The following OXR1 variants were observed in gnomAD, a reference collection of about 807,000 sequenced individuals.
OXR1 encodes oxidation resistance protein 1.
OXR1 carries 41 observed loss-of-function variants against 104.6 expected under a neutral mutation model. The ratio of observed to expected loss-of-function variants is 0.39; its 90% CI spans 0.31 to 0.51. The LOEUF (loss-of-function observed/expected upper bound fraction) is 0.51. OXR1 is among the 20% of genes least tolerant of loss of function. OXR1 has a pLI of 0.77. For synonymous variants in OXR1, 348 were observed against 348.4 expected (o/e 1.00, Z 0.01); for missense variants, 955 against 1,031.9 (o/e 0.93, Z 1.02).
At chr8:106,534,852 G>A (rs376385942) in intron 3 of OXR1, among the ~76,000 whole-genome samples, 2 of 152,228 alleles carry the variant, frequency 1.3e-5, no homozygotes, top group African/African-American at 4.8e-5. Context: ...TTAATAGGGG[G>A]AAGTAATAGC....
intron 1 of OXR1, chr8:106,272,279 T>G (rs1811852269): frequency 6.6e-6 from 1 of 152,286 alleles, no homozygotes; most frequent in Non-Finnish European, 1.5e-5. Context: ...GGTTGTCGGC[T>G]TCTCCATCCA....
At chr8:106,620,593 C>A (rs758395207) in intron 3 of OXR1, among the ~76,000 whole-genome samples, 1 of 152,150 alleles carries the variant, frequency 6.6e-6, no homozygotes, top group African/African-American at 2.4e-5. Flanking sequence ...CTGGAAAATA[C>A]TCAGAGAATT....
intron 1 of OXR1, among the ~76,000 whole-genome samples, chr8:106,343,906 T>C (rs182577714): frequency 2.0e-5 from 3 of 152,362 alleles, no homozygotes; most frequent in African/African-American, 7.2e-5. Context: ...TTAACTAAGT[T>C]AGACACAGCA....
At chr8:106,373,995 A>G (rs1181367032) in intron 2 of OXR1, among the ~76,000 whole-genome samples, 1 of 152,268 alleles carries the variant, frequency 6.6e-6, no homozygotes, top group East Asian at 1.9e-4. Context: ...TGTCAATGGT[A>G]TATGATCCGT....
At chr8:106,595,184 A>G (rs1563630730) in intron 3 of OXR1, among the ~76,000 whole-genome samples, 2 of 152,166 alleles carry the variant, frequency 1.3e-5, no homozygotes, top group Non-Finnish European at 2.9e-5. Flanking sequence ...CATGCACAGA[A>G]CTATCATTTT....
rs184550814 is a variant in OXR1, at chr8:106,348,889, G to A, written c.-138-10587G>A. Among the ~76,000 whole-genome samples, 332 of 152,252 alleles carry A rather than the reference G, an allele frequency of 2.2e-3. 1 individual carries two copies. The highest frequency in any genetic ancestry group is 3.4e-3 in the Non-Finnish European group (229 of 68,008). The stretch of plus-strand genomic sequence containing the variant: ...GGCCACACTGAGGAGGATCCCAAGC[G>A]TAATAGTTAGGTTGTAGGAATAGTC... On this transcript the variant is annotated intron_variant, in intron 1 of 16. Transcript: ENST00000517566.
At chr8:106,511,576 T>C (rs555860057) in intron 2 of OXR1, among the ~76,000 whole-genome samples, 1 of 152,090 alleles carries the variant, frequency 6.6e-6, no homozygotes, top group Non-Finnish European at 1.5e-5. Context: ...CACACACTTG[T>C]GTGAATATAC....
At chr8:106,344,545 G>A (rs553458194) in intron 1 of OXR1, among the ~76,000 whole-genome samples, 26 of 152,192 alleles carry the variant, frequency 1.7e-4, no homozygotes, top group Admixed American at 3.3e-4. Flanking sequence ...CACCATTTTA[G>A]CCAGGATGGT....
At chr8:106,545,172 A>G (rs1277393674) in intron 3 of OXR1, among the ~76,000 whole-genome samples, 2 of 152,134 alleles carry the variant, frequency 1.3e-5, no homozygotes, top group African/African-American at 2.4e-5. Flanking sequence ...GGGCAAAGTC[A>G]CCCCTGGTTG....
At chr8:106,382,259 T>C (rs1210072992) in intron 2 of OXR1, among the ~76,000 whole-genome samples, 1 of 152,198 alleles carries the variant, frequency 6.6e-6, no homozygotes, top group Non-Finnish European at 1.5e-5. Context: ...CTTTGTTATT[T>C]TGTGAATCTT....
intron 2 of OXR1, among the ~76,000 whole-genome samples, chr8:106,382,823 A>G (rs1256554212): frequency 6.6e-6 from 1 of 151,400 alleles, no homozygotes; most frequent in Admixed American, 6.6e-5. Flanking sequence ...CAGCTGGGTA[A>G]TCACAACATT....
chr8:106,549,783 A>AT (rs1815661092), intron 3 of OXR1, among the ~76,000 whole-genome samples: 1 of 152,154 alleles, frequency 6.6e-6, no homozygotes. Context: ...AATTCCATTC[A>AT]TCATGGCTCT....
chr8:106,533,788 C>T (rs1814273328), intron 3 of OXR1, among the ~76,000 whole-genome samples: 1 of 150,294 alleles, frequency 6.7e-6, no homozygotes, highest in African/African-American at 2.5e-5. Flanking sequence ...AATCTTGGCT[C>T]ACCACAAACC....
intron 2 of OXR1, among the ~76,000 whole-genome samples, chr8:106,369,345 G>C (rs1816612192): frequency 6.6e-6 from 1 of 152,144 alleles, no homozygotes; most frequent in Admixed American, 6.5e-5. Flanking sequence ...CATACTGTGG[G>C]TTACCTGTTC....
chr8:106,414,642 C>A (rs1818599315), intron 2 of OXR1, among the ~76,000 whole-genome samples: 1 of 151,922 alleles, frequency 6.6e-6, no homozygotes, highest in African/African-American at 2.4e-5. Flanking sequence ...GGGATGTTAA[C>A]AAGGGGAAGC....
chr8:106,407,490 A>G (rs1818288385), intron 2 of OXR1, among the ~76,000 whole-genome samples: 2 of 152,232 alleles, frequency 1.3e-5, no homozygotes. Context: ...CAGATTTATC[A>G]AAGAATTTCT....
rs528010477 is a variant in OXR1 at position 106,389,179 on chromosome 8, A to G, written c.23+29543A>G. On this transcript the variant is annotated intron_variant, in intron 2 of 16. Transcript: ENST00000517566. ...ATTTTTGTAATGATGACATTGAGTC[A>G]TTATGAAAAGGTTAAGTCATCCAAC... is the stretch of plus-strand genomic sequence containing the variant. 5.3e-4 allele frequency among the ~76,000 whole-genome samples: 81 copies of G among 152,346 alleles called. 1 individual carries two copies. Among genetic ancestry groups the G allele is most frequent in the Admixed American group, 1.6e-3 (25 of 15,306 alleles).
At chr8:106,743,597 A>C (rs990347549) in intron 15 of OXR1, among the ~76,000 whole-genome samples, 8 of 152,216 alleles carry the variant, frequency 5.3e-5, no homozygotes, top group Non-Finnish European at 7.3e-5. Context: ...CTGGGATTAC[A>C]GGCGTGAGCC....
chr8:106,554,867 A>G (rs890800999), intron 3 of OXR1, among the ~76,000 whole-genome samples: 2 of 152,182 alleles, frequency 1.3e-5, no homozygotes, highest in African/African-American at 2.4e-5. Context: ...CAAGAGTAGG[A>G]CCAAGGAATT....
Sources: allele counts gnomAD v4.1 joint callset (sites outside exome capture counted in the v4.1 genomes callset), GRCh38; gene constraint gnomAD v4.1.1; transcripts MANE v1.5; gene names NCBI Gene and HGNC (gene_info 2026-07-23, HGNC 2026-07-21).